TNFRSF19: variants seen among roughly 807,000 people sequenced by gnomAD.
TNFRSF19 encodes TNF receptor superfamily member 19.
Under a neutral mutation model 46.4 loss-of-function variants are expected in TNFRSF19, and 27 were observed. The ratio of observed to expected loss-of-function variants is 0.58; its 90% CI spans 0.43 to 0.80. TNFRSF19 has a LOEUF of 0.80. Ranked by LOEUF, TNFRSF19 falls within the 30% of genes least tolerant of loss-of-function variation. The pLI is 0.00. For missense variants in TNFRSF19, 511 were observed against 530.8 expected, an observed-to-expected ratio of 0.96 and a Z score of 0.37; for synonymous variants, 204 against 205.0, an observed-to-expected ratio of 1.00 and a Z score of 0.04.
intron 5 of TNFRSF19, 128 bp from the exon 6 acceptor site, chr13:23,658,922 C>A: frequency 8.1e-7 from 1 of 1,229,272 alleles, no homozygotes. Context: ...CTTGAGCCAT[C>A]TTTAAATATC....
chr13:23,666,687 AT>A (rs764974254), intron 7 of TNFRSF19, among the ~76,000 whole-genome samples: 87 of 152,318 alleles, frequency 5.7e-4, no homozygotes, highest in Admixed American at 5.6e-3. Context: ...CTTTAAAACA[AT>A]TTTGAAATGT....
intron 5 of TNFRSF19, among the ~76,000 whole-genome samples, chr13:23,628,763 AC>A (rs1238933493): frequency 6.6e-6 from 1 of 151,930 alleles, no homozygotes; most frequent in Non-Finnish European, 1.5e-5. Flanking sequence ...AAGAAAATTA[AC>A]CAGTATATAT....
intron 3 of TNFRSF19, among the ~76,000 whole-genome samples, chr13:23,603,632 A>G (rs1335447360): frequency 3.3e-5 from 5 of 152,084 alleles, no homozygotes; most frequent in Non-Finnish European, 5.9e-5. Flanking sequence ...ACAAAATGGG[A>G]TTTATCCCAC....
At chr13:23,655,202 T>C (rs1193107081) in intron 5 of TNFRSF19, among the ~76,000 whole-genome samples, 1 of 152,214 alleles carries the variant, frequency 6.6e-6, no homozygotes, top group Non-Finnish European at 1.5e-5. Flanking sequence ...TTTTAATGCC[T>C]TGTAGGATGT....
chr13:23,663,399 G>A (rs1884498407), intron 7 of TNFRSF19, among the ~76,000 whole-genome samples: 1 of 152,130 alleles, frequency 6.6e-6, no homozygotes, highest in Admixed American at 6.5e-5. Context: ...TTTTTGATGT[G>A]CTGCTGGATT....
At chr13:23,596,819 G>A (rs866651716) in intron 3 of TNFRSF19, among the ~76,000 whole-genome samples, 7 of 152,018 alleles carry the variant, frequency 4.6e-5, no homozygotes, top group Non-Finnish European at 4.4e-5. Flanking sequence ...GCACCACATC[G>A]CACTTACTCT....
At chr13:23,600,563 G>C (rs538613193) in intron 3 of TNFRSF19, among the ~76,000 whole-genome samples, 1 of 152,286 alleles carries the variant, frequency 6.6e-6, no homozygotes, top group Non-Finnish European at 1.5e-5. Flanking sequence ...TCTGACAGGG[G>C]AGGCAGAAAA....
intron 1 of TNFRSF19, among the ~76,000 whole-genome samples, chr13:23,572,657 G>A (rs191660648): frequency 3.9e-5 from 6 of 152,268 alleles, no homozygotes; most frequent in Admixed American, 3.3e-4. Flanking sequence ...ATCCACTTCA[G>A]TGTTTGAATT....
intron 9 of TNFRSF19, among the ~76,000 whole-genome samples, chr13:23,672,690 G>C (rs996315755): frequency 6.6e-6 from 1 of 152,142 alleles, no homozygotes; most frequent in Non-Finnish European, 1.5e-5. Context: ...CAAATTAGTG[G>C]TAAGTTAGTG....
chr13:23,669,203 C>A (rs978750221), intron 9 of TNFRSF19, 106 bp downstream of exon 9: 30 of 1,449,398 alleles, frequency 2.1e-5, no homozygotes, highest in Non-Finnish European at 2.7e-5. Context: ...TTTTTTTTTG[C>A]ATCTTTAATA....
In TNFRSF19 at chr13:23,669,092, C is replaced by T. The variant is rs999792769; in HGVS notation, c.1240C>T (p.Leu414Phe). Residue 414 changes from leucine (L) to phenylalanine (F), a missense_variant, in exon 9 of 10, where the codon CTC (leucine) becomes TTC (phenylalanine). Leu to Phe is a conservative substitution (Grantham distance 22, BLOSUM62 0). This residue lies in a region of TNFRSF19 where 376 missense variants were observed against 372.7 expected (regional missense o/e 1.01). Coordinates refer to ENST00000248484, the MANE Select transcript of TNFRSF19 (RefSeq NM_148957.4). ...CATCCACCCAGCCACTCAGACGTCC[C>T]TCCAGGTAAGGCAGCGACTGGGTTC... is the stretch of plus-strand genomic sequence containing the variant. ...AVIHPATQTS[L>F]QEA The T allele has an allele frequency of 2.9e-5, 46 of 1,613,764 alleles. No homozygotes were observed. The highest frequency in any genetic ancestry group is 3.8e-5 in the Non-Finnish European group (45 of 1,179,902).
intron 5 of TNFRSF19, among the ~76,000 whole-genome samples, chr13:23,633,616 A>G (rs2138313125): frequency 1.3e-5 from 2 of 152,304 alleles, no homozygotes; most frequent in Middle Eastern, 6.8e-3. Flanking sequence ...TGGGTGGCCA[A>G]GGTGGGTGGA....
At chr13:23,598,804 G>C (rs116886288) in intron 3 of TNFRSF19, among the ~76,000 whole-genome samples, 12 of 152,302 alleles carry the variant, frequency 7.9e-5, no homozygotes, top group Admixed American at 1.3e-4. Context: ...TAGTTGTGGA[G>C]AAGTGATGTA....
chr13:23,595,683 T>G (rs936082146), intron 3 of TNFRSF19, among the ~76,000 whole-genome samples: 1 of 152,126 alleles, frequency 6.6e-6, no homozygotes, highest in African/African-American at 2.4e-5. Flanking sequence ...TGGAAAACAC[T>G]CTTCAGGATA....
intron 4 of TNFRSF19, among the ~76,000 whole-genome samples, chr13:23,620,628 C>G (rs1220438652): frequency 6.6e-6 from 1 of 152,222 alleles, no homozygotes; most frequent in Non-Finnish European, 1.5e-5. Flanking sequence ...TGTAAAGTGC[C>G]TAGCAGAGTG....
chr13:23,603,702 C>T (rs1054152357), intron 3 of TNFRSF19, among the ~76,000 whole-genome samples: 1 of 151,824 alleles, frequency 6.6e-6, no homozygotes, highest in Non-Finnish European at 1.5e-5. Context: ...CATCAGTGGG[C>T]TAAAGGGGAA....
In TNFRSF19 at chr13:23,582,412, T is replaced by A. The variant is rs577303318; in HGVS notation, c.-34-7738T>A. Reference sequence around the variant, plus strand: ...CGAGACTCCGTCTCAAAAAAAAAAATAATAATAAAGATTTGGGATAATGCA... The same window carrying A: ...CGAGACTCCGTCTCAAAAAAAAAAAAAATAATAAAGATTTGGGATAATGCA... On this transcript the variant is annotated intron_variant, in intron 1 of 9. Transcript: ENST00000248484. Among the ~76,000 whole-genome samples the A allele has an allele frequency of 2.5e-3, 384 of 151,116 alleles. 4 individuals carry two copies. Among genetic ancestry groups the A allele is most frequent in the African/African-American group, 6.7e-3 (274 of 40,936 alleles).
chr13:23,651,208 G>T lies in TNFRSF19; in HGVS notation c.446-7842G>T, dbSNP rs187923854. Among the ~76,000 whole-genome samples the T allele has an allele frequency of 7.1e-4, 108 of 152,288 alleles. 1 individual carries two copies. Among genetic ancestry groups the T allele is most frequent in the Non-Finnish European group, 1.1e-3 (75 of 68,016 alleles). ...TTGATTTGGGCTTTTTGATGGTACT[G>T]GTGCTGGTAGAAGAGCACAGAAAGC... On this transcript the variant is annotated intron_variant, in intron 5 of 9. Transcript: ENST00000248484.
At chr13:23,600,584 G>T (rs1378209980) in intron 3 of TNFRSF19, among the ~76,000 whole-genome samples, 1 of 152,172 alleles carries the variant, frequency 6.6e-6, no homozygotes, top group Non-Finnish European at 1.5e-5. Context: ...GGAACATTTT[G>T]AAATATGCTA....
Sources: gnomAD v4.1 joint callset for allele counts (sites outside exome capture counted in the v4.1 genomes callset) on GRCh38, gnomAD v4.1.1 for gene constraint, gnomAD v4.1.1 regional missense constraint, MANE v1.5 for transcripts, NCBI Gene and HGNC (gene_info 2026-07-23, HGNC 2026-07-21) for gene names.